COL6A6: variants seen among roughly 807,000 people sequenced by gnomAD.
COL6A6 encodes collagen alpha-6(VI) chain.
COL6A6 carries 183 observed loss-of-function variants against 208.6 expected under a neutral mutation model. The observed-to-expected ratio is 0.88, with a 90% confidence interval of 0.78 to 0.99. The LOEUF (loss-of-function observed/expected upper bound fraction) is 0.99, where lower values mean the gene tolerates loss of function less well. Among genes scored for constraint, COL6A6 ranks in the 50% least tolerant of loss-of-function variants. COL6A6 has a pLI of 0.00. For synonymous variants in COL6A6, 973 were observed against 1,011.8 expected (o/e 0.96, Z 0.73); for missense variants, 2,816 against 2,815.2 (o/e 1.00, Z -0.01).
chr3:130,565,621 T>C lies in COL6A6; in HGVS notation c.1282+7T>C. 1 of 1,599,092 alleles carries C rather than the reference T, an allele frequency of 6.3e-7. No homozygotes were observed. Among genetic ancestry groups the C allele is most frequent in the Non-Finnish European group, 8.5e-7 (1 of 1,172,898 alleles). On this transcript the variant is annotated splice_region_variant and intron_variant, in intron 4 of 36. Coordinates refer to ENST00000358511, the MANE Select transcript of COL6A6 (RefSeq NM_001102608.3). ...ACTGAAACGCTCAAATCTGGTAAGG[T>C]CTTCTGCTGAAAGAAGGGTTGTTTG...
intron 25 of COL6A6, among the ~76,000 whole-genome samples, chr3:130,626,865 T>A (rs1576356179): frequency 6.6e-6 from 1 of 152,074 alleles, no homozygotes; most frequent in Admixed American, 6.5e-5. Context: ...AGAAACCCAT[T>A]CCATCCTTCC....
intron 1 of COL6A6, among the ~76,000 whole-genome samples, chr3:130,559,313 A>G (rs898349244): frequency 6.6e-6 from 1 of 152,222 alleles, no homozygotes; most frequent in Non-Finnish European, 1.5e-5. Context: ...TAGAACTAAT[A>G]AATTTATATA....
intron 7 of COL6A6, among the ~76,000 whole-genome samples, chr3:130,572,932 CAT>C (rs148931721): frequency 0.015 from 2,339 of 152,288 alleles, 80 homozygotes; most frequent in African/African-American, 0.053. Context: ...AAGGAACACA[CAT>C]GTGCCAAGCA....
chr3:130,520,963 C>A (rs1378042592), intron 1 of COL6A6, among the ~76,000 whole-genome samples: 1 of 152,146 alleles, frequency 6.6e-6, no homozygotes, highest in Non-Finnish European at 1.5e-5. Context: ...CCCAAATGCT[C>A]AACTGGTAGA....
At chr3:130,593,148 C>T (rs1489099636) in intron 16 of COL6A6, 43 bp downstream of exon 16, 5 of 1,610,764 alleles carry the variant, frequency 3.1e-6, no homozygotes. Context: ...GAGCTATTTA[C>T]CATTATGAAA....
rs748065583 is a variant in COL6A6 at position 130,563,474 on chromosome 3, C to T, written c.471C>T (p.Asp157=). 153 of 1,613,878 alleles carry T rather than the reference C, an allele frequency of 9.5e-5. No individual in the cohort carries two copies. The Middle Eastern group carries it at 1.5e-3, about 16-fold the overall frequency. The change falls in exon 3 of 37, where the codon GAC becomes GAT. Residue 157 remains aspartate, a synonymous_variant. Transcript: ENST00000358511. ...VEEASKALRK[D]GVKIISVGVQ... is the part of the protein sequence containing the mutation. The stretch of plus-strand genomic sequence containing the variant: ...AGGCATCAAAGGCCCTGCGGAAAGA[C>T]GGAGTGAAAATCATCTCTGTAGGGG...
Position 130,649,092 on chromosome 3 carries a change from C to G in COL6A6, c.5263C>G (p.Pro1755Ala), listed in dbSNP as rs199999908. Reference protein sequence around the residue: ...RHGKPECPVHPTELVFALDHS... With the variant: ...RHGKPECPVHATELVFALDHS... ...AGGAAAACCGGAATGCCCAGTGCAC[C>G]CAACCGAGTTGGTGTTTGCCCTGGA... The change falls in exon 33 of 37, where the codon CCA (proline) becomes GCA (alanine). Residue 1755 changes from proline to alanine, a missense_variant. Physicochemically the swap from Pro to Ala is conservative, Grantham distance 27. Coordinates refer to ENST00000358511, the MANE Select transcript of COL6A6 (RefSeq NM_001102608.3). The G allele has an allele frequency of 4.6e-4, 728 of 1,571,536 alleles. 2 individuals carry two copies. Among genetic ancestry groups the G allele is most frequent in the South Asian group, 9.2e-4 (79 of 85,432 alleles).
chr3:130,599,783 C>T lies in COL6A6; in HGVS notation c.4626C>T (p.Pro1542=), dbSNP rs373427238. The T allele has an allele frequency of 1.6e-4, 261 of 1,613,520 alleles. No individual in the cohort carries two copies. The highest frequency in any genetic ancestry group is 3.6e-4 in the African/African-American group (27 of 74,906). The change falls in exon 20 of 37, where the codon CCC becomes CCT. Residue 1542 remains proline, a synonymous_variant. Coordinates refer to ENST00000358511, the MANE Select transcript of COL6A6 (RefSeq NM_001102608.3). ...GCAGAAGAGGCTGGCCAGGCCCCCC[C>T]GGGACACCAGGCTCCAGAAGAAAGA... ...RQGRRGWPGP[P]GTPGSRRKTA...
At chr3:130,664,134 G>C (rs2066011996) in intron 35 of COL6A6, among the ~76,000 whole-genome samples, 1 of 152,120 alleles carries the variant, frequency 6.6e-6, no homozygotes, top group African/African-American at 2.4e-5. Context: ...TGTTATAATA[G>C]AGTTGACTAT....
intron 33 of COL6A6, among the ~76,000 whole-genome samples, chr3:130,653,293 A>C (rs1305677990): frequency 2.6e-5 from 4 of 152,156 alleles, no homozygotes; most frequent in Non-Finnish European, 5.9e-5. Context: ...CGCAGCTAAG[A>C]GGAAAATTAA....
At chr3:130,599,662 CCTAT>C (rs2063952081) in intron 19 of COL6A6, 91 bp from the exon 20 acceptor site, 3 of 1,242,788 alleles carry the variant, frequency 2.4e-6, no homozygotes, top group Admixed American at 1.8e-5. Context: ...GGTGTGTGAA[CCTAT>C]CTATCCTCCC....
At position 130,593,123 on chromosome 3, in the gene COL6A6, CAT is replaced by C. The variant is rs748810365; in HGVS notation, c.4416+20_4416+21del. The stretch of plus-strand genomic sequence containing the variant: ...GAGAACAGGTAGAGCCTTCTTGTAC[CAT>C]AGAGACCCTTCTGAGCTATTTACCA... On this transcript the variant is annotated intron_variant, in intron 16 of 36. Coordinates refer to ENST00000358511, the MANE Select transcript of COL6A6 (RefSeq NM_001102608.3). The C allele has an allele frequency of 6.2e-7, 1 of 1,612,820 alleles. No individual in the cohort carries two copies. Among genetic ancestry groups the C allele is most frequent in the South Asian group, 1.1e-5 (1 of 91,050 alleles).
At chr3:130,547,595 C>T (rs899013067) in intron 1 of COL6A6, among the ~76,000 whole-genome samples, 7 of 152,238 alleles carry the variant, frequency 4.6e-5, no homozygotes, top group Admixed American at 2.6e-4. Context: ...GAGTGAGGGC[C>T]GCCAGCATGT....
chr3:130,572,935 G>A (rs912566134), intron 7 of COL6A6, among the ~76,000 whole-genome samples: 1 of 147,648 alleles, frequency 6.8e-6, no homozygotes, highest in Non-Finnish European at 1.5e-5. Flanking sequence ...GAACACACAT[G>A]TGCCAAGCAT....
Position 130,608,916 on chromosome 3 carries a change from C to T in COL6A6, c.4704C>T (p.Ile1568=), listed in dbSNP as rs751358791. 1 of 1,613,338 alleles carries T rather than the reference C, an allele frequency of 6.2e-7. No homozygotes were observed. The highest frequency in any genetic ancestry group is 1.7e-5 in the Admixed American group (1 of 59,902). ...GHTGPQGTAG[I]PGPDGLEGSL... is the part of the protein sequence containing the mutation. ...TCTCGCCACAGGGAACAGCAGGCATCCCAGGACCAGATGGACTTGAAGGCT... is the reference window on the plus strand; with the variant it reads ...TCTCGCCACAGGGAACAGCAGGCATTCCAGGACCAGATGGACTTGAAGGCT... The change falls in exon 22 of 37, where the codon ATC becomes ATT. Residue 1568 remains isoleucine (I), a synonymous_variant. Transcript: ENST00000358511.
chr3:130,662,376 T>G, intron 35 of COL6A6, 68 bp downstream of exon 35: 1 of 1,424,814 alleles, frequency 7.0e-7, no homozygotes, highest in South Asian at 1.3e-5. Flanking sequence ...AAAAGGTTGA[T>G]GAGCTAACAT....
chr3:130,592,769 A>G, intron 15 of COL6A6, 47 bp downstream of exon 15: 1 of 1,494,202 alleles, frequency 6.7e-7, no homozygotes, highest in Non-Finnish European at 9.1e-7. Flanking sequence ...GTTATCTAGA[A>G]ATATTTTTAT....
At chr3:130,563,987 T>A (rs77852393) in intron 3 of COL6A6, among the ~76,000 whole-genome samples, 2 of 152,236 alleles carry the variant, frequency 1.3e-5, no homozygotes, top group Admixed American at 1.3e-4. Context: ...GTTTTAGTAC[T>A]GGTTCATTGA....
chr3:130,525,392 C>T (rs537250342), intron 1 of COL6A6, among the ~76,000 whole-genome samples: 35 of 152,180 alleles, frequency 2.3e-4, no homozygotes, highest in Admixed American at 3.9e-4. Context: ...CTCAAAATGG[C>T]GATGTTTGAG....
Sources: allele counts gnomAD v4.1 joint callset (sites outside exome capture counted in the v4.1 genomes callset), GRCh38; gene constraint gnomAD v4.1.1; transcripts MANE v1.5; gene names NCBI Gene and HGNC (gene_info 2026-07-23, HGNC 2026-07-21).